The following EFNA5 variants were observed in gnomAD, a reference collection of about 807,000 sequenced individuals.
The protein encoded by EFNA5 is ephrin-A5.
In EFNA5, 5 loss-of-function variants were observed where a neutral mutation model predicts 22.9. The observed-to-expected ratio is 0.22, with a 90% confidence interval of 0.11 to 0.46. The LOEUF (loss-of-function observed/expected upper bound fraction) is 0.46, where lower values mean the gene tolerates loss of function less well. EFNA5 is among the 20% of genes least tolerant of loss of function. The probability of loss-of-function intolerance (pLI) is 0.99; values close to 1 mark genes in which losing one functional copy is unlikely to be tolerated. For synonymous variants in EFNA5, 113 were observed against 112.2 expected, an observed-to-expected ratio of 1.01 and a Z score of -0.04; for missense variants, 237 against 293.3, an observed-to-expected ratio of 0.81 and a Z score of 1.40.
intron 1 of EFNA5, among the ~76,000 whole-genome samples, chr5:107,588,689 A>G (rs1016773230): frequency 1.3e-5 from 2 of 152,248 alleles, no homozygotes; most frequent in Non-Finnish European, 2.9e-5. Context: ...ATCCTCTGTA[A>G]GAAACATTTA....
chr5:107,423,659 C>T (rs534452106), intron 2 of EFNA5, among the ~76,000 whole-genome samples: 39 of 152,140 alleles, frequency 2.6e-4, no homozygotes, highest in African/African-American at 4.8e-4. Flanking sequence ...ATATAAATAC[C>T]GCCAACTTTC....
At chr5:107,397,289 G>A (rs954115140) in intron 2 of EFNA5, among the ~76,000 whole-genome samples, 2 of 152,140 alleles carry the variant, frequency 1.3e-5, no homozygotes, top group African/African-American at 4.8e-5. Flanking sequence ...GGTGGCTCAT[G>A]CCTGTAATCC....
intron 1 of EFNA5, among the ~76,000 whole-genome samples, chr5:107,562,394 T>G (rs988679666): frequency 2.0e-5 from 3 of 152,076 alleles, no homozygotes; most frequent in Admixed American, 6.6e-5. Flanking sequence ...GATAGCGTCA[T>G]TTTTAAGCTT....
At chr5:107,583,742 T>C (rs924643533) in intron 1 of EFNA5, among the ~76,000 whole-genome samples, 2 of 152,226 alleles carry the variant, frequency 1.3e-5, no homozygotes, top group African/African-American at 4.8e-5. Context: ...TGCTTACTTA[T>C]AACAAGTACT....
chr5:107,488,438 T>C (rs1377784726), intron 1 of EFNA5, among the ~76,000 whole-genome samples: 1 of 152,232 alleles, frequency 6.6e-6, no homozygotes, highest in Non-Finnish European at 1.5e-5. Flanking sequence ...TCTTCTGCTT[T>C]GGGTTTCCCA....
intron 1 of EFNA5, among the ~76,000 whole-genome samples, chr5:107,637,647 G>A (rs148774759): frequency 6.8e-4 from 102 of 148,908 alleles, no homozygotes; most frequent in Non-Finnish European, 1.2e-3. Context: ...ATGTGTGTGT[G>A]TATATATACA....
chr5:107,468,753 A>T (rs1056179503), intron 1 of EFNA5, among the ~76,000 whole-genome samples: 22 of 152,102 alleles, frequency 1.4e-4, no homozygotes, highest in African/African-American at 5.3e-4. Flanking sequence ...CTTAACAAGG[A>T]CCCATCAGCT....
At chr5:107,612,750 T>C (rs750137825) in intron 1 of EFNA5, among the ~76,000 whole-genome samples, 1 of 152,150 alleles carries the variant, frequency 6.6e-6, no homozygotes, top group African/African-American at 2.4e-5. Flanking sequence ...CGTCAGTCAC[T>C]GTATTAATAC....
chr5:107,634,689 G>A (rs1322640273), intron 1 of EFNA5, among the ~76,000 whole-genome samples: 1 of 145,892 alleles, frequency 6.9e-6, no homozygotes, highest in African/African-American at 2.4e-5. Flanking sequence ...TTTAACCTGA[G>A]TCCTTAAGGG....
At chr5:107,619,979 G>A (rs1036693581) in intron 1 of EFNA5, among the ~76,000 whole-genome samples, 3 of 152,192 alleles carry the variant, frequency 2.0e-5, no homozygotes, top group South Asian at 2.1e-4. Context: ...AAATCAGCCC[G>A]AGGGCACTAA....
chr5:107,569,574 TA>T (rs1561436003), intron 1 of EFNA5, among the ~76,000 whole-genome samples: 28 of 127,058 alleles, frequency 2.2e-4, no homozygotes, highest in South Asian at 4.7e-4. Flanking sequence ...TATATATATA[TA>T]TATATATATA....
intron 1 of EFNA5, among the ~76,000 whole-genome samples, chr5:107,452,700 C>T (rs1039048138): frequency 1.3e-5 from 2 of 152,164 alleles, no homozygotes; most frequent in African/African-American, 2.4e-5. Flanking sequence ...GTACTTACTC[C>T]AGCCTGGGCT....
In EFNA5 at chr5:107,670,757, G is replaced by C. The variant is rs1751180346; in HGVS notation, c.-144C>G. 1 of 1,188,574 alleles carries C rather than the reference G, an allele frequency of 8.4e-7. No individual in the cohort carries two copies. Among genetic ancestry groups the C allele is most frequent in the Non-Finnish European group, 1.2e-6 (1 of 860,070 alleles). The allele number at this position is 1,188,574 out of a possible 1,614,324, so 73.6% of individuals were successfully genotyped here. ...ATAAAAATGAAAGTGGGCGAGAAAGGAAAGAGGCGCCCACCAAGCTGGGGA... is the reference window on the plus strand; with the variant it reads ...ATAAAAATGAAAGTGGGCGAGAAAGCAAAGAGGCGCCCACCAAGCTGGGGA... On this transcript the variant is annotated 5_prime_UTR_variant, in exon 1 of 5. Transcript: ENST00000333274.
chr5:107,399,373 GAGGA>G (rs1177783431), intron 2 of EFNA5, among the ~76,000 whole-genome samples: 5 of 86,062 alleles, frequency 5.8e-5, no homozygotes, highest in Admixed American at 1.0e-4. Context: ...AGGAAGGAGG[GAGGA>G]AGGAAGGAAG....
rs144545334 is a variant in EFNA5, at chr5:107,513,025, G to A, written c.126-85516C>T. Among the ~76,000 whole-genome samples, 1,513 of 152,214 alleles carry A rather than the reference G, an allele frequency of 9.9e-3. 11 individuals carry two copies. The highest frequency in any genetic ancestry group is 0.021 in the South Asian group (101 of 4,822). On this transcript the variant is annotated intron_variant, in intron 1 of 4. Coordinates refer to ENST00000333274, the MANE Select transcript of EFNA5 (RefSeq NM_001962.3). ...CTGCCCCTTCCTGATGGGTACTTAC[G>A]TACCCAGTGGCCAGGAGGAATGGAC...
At position 107,428,230 on chromosome 5, in the gene EFNA5, C is replaced by T. The variant is rs996115686; in HGVS notation, c.126-721G>A. On this transcript the variant is annotated intron_variant, in intron 1 of 4. Coordinates refer to ENST00000333274, the MANE Select transcript of EFNA5 (RefSeq NM_001962.3). ...TTAGTGCATCTCGATTTTGATGCAG[C>T]ATCTTTTCCATACTGAGAAAACAAC... Among the ~76,000 whole-genome samples, 3 of 152,190 alleles carry T rather than the reference C, an allele frequency of 2.0e-5. No homozygotes were observed. In the South Asian group the frequency reaches 6.2e-4, roughly 31 times the overall value.
intron 1 of EFNA5, among the ~76,000 whole-genome samples, chr5:107,469,302 T>C (rs1750074724): frequency 6.6e-6 from 1 of 152,076 alleles, no homozygotes; most frequent in Non-Finnish European, 1.5e-5. Flanking sequence ...CCATCCTACA[T>C]TCATAAGAAA....
chr5:107,411,431 T>C (rs1748363911), intron 2 of EFNA5, among the ~76,000 whole-genome samples: 2 of 152,358 alleles, frequency 1.3e-5, no homozygotes, highest in Non-Finnish European at 1.5e-5. Flanking sequence ...CACAGGCATA[T>C]AAGCCAATCA....
chr5:107,580,488 G>A (rs879877495), intron 1 of EFNA5, among the ~76,000 whole-genome samples: 9 of 151,786 alleles, frequency 5.9e-5, no homozygotes, highest in South Asian at 2.1e-4. Context: ...ACTTTGGGAG[G>A]CCCAGGCAGG....
Sources: gnomAD v4.1 joint callset for allele counts (sites outside exome capture counted in the v4.1 genomes callset) on GRCh38, gnomAD v4.1.1 for gene constraint, MANE v1.5 for transcripts, NCBI Gene and HGNC (gene_info 2026-07-23, HGNC 2026-07-21) for gene names.